Variants in TMEM143 observed in about 807,000 individuals in gnomAD.
The protein encoded by TMEM143 is transmembrane protein 143.
Under a neutral mutation model 40.3 loss-of-function variants are expected in TMEM143, and 45 were observed. The observed-to-expected ratio is 1.12, with a 90% CI of 0.88 to 1.43. TMEM143 has a LOEUF of 1.43. TMEM143 is among the 40% of genes most tolerant of loss of function. The pLI, the probability that TMEM143 is intolerant of heterozygous loss-of-function variation, is 0.00. For synonymous variants in TMEM143, 299 were observed against 282.7 expected (o/e 1.06, Z -0.58); for missense variants, 620 against 613.4 (o/e 1.01, Z -0.11).
chr19:48,343,654 G>A (rs964056164), intron 4 of TMEM143, among the ~76,000 whole-genome samples: 11 of 152,244 alleles, frequency 7.2e-5, no homozygotes, highest in African/African-American at 2.6e-4. Flanking sequence ...TGCCATTCAC[G>A]TAGAAGTCAT....
chr19:48,363,704 G>A (rs1970124319), intron 1 of TMEM143, 173 bp from the exon 2 acceptor site: 9 of 1,366,806 alleles, frequency 6.6e-6, no homozygotes, highest in African/African-American at 1.5e-5. Context: ...CAGTTGGCCT[G>A]GGTCCCAGAC....
Position 48,360,138 on chromosome 19 carries a change from C to T in TMEM143, c.303G>A (p.Glu101=). 1 of 1,614,128 alleles carries T rather than the reference C, an allele frequency of 6.2e-7. No homozygotes were observed. Among genetic ancestry groups the T allele is most frequent in the Non-Finnish European group, 8.5e-7 (1 of 1,180,010 alleles). ...AGAAGTCCACGTGGGCCGAGAACGC[C>T]TCCAAAGCCGCCTTCTCTGCCGGAC... ...HSSPAEKAAL[E]AFSAHVDFCT... is the part of the protein sequence containing the mutation. Residue 101 remains glutamate (E), a synonymous_variant, in exon 3 of 8, where the codon GAG becomes GAA. Coordinates refer to ENST00000293261, the MANE Select transcript of TMEM143 (RefSeq NM_018273.4).
At chr19:48,348,827 C>T (rs1474461898) in intron 3 of TMEM143, among the ~76,000 whole-genome samples, 1 of 152,168 alleles carries the variant, frequency 6.6e-6, no homozygotes, top group Non-Finnish European at 1.5e-5. Context: ...CCTAGTAGGG[C>T]CTGCAAGGCC....
chr19:48,352,246 C>CAA lies in TMEM143; in HGVS notation c.370-6894_370-6893dup, dbSNP rs1231759805. On this transcript the variant is annotated intron_variant, in intron 3 of 7. Coordinates refer to ENST00000293261, the MANE Select transcript of TMEM143 (RefSeq NM_018273.4). ...TGGGTGACAGAGTGAGACTCTGTCT[C>CAA]AAAAAAAAAAAAAAAACACCATATC... is the stretch of plus-strand genomic sequence containing the variant. Among the ~76,000 whole-genome samples the CAA allele has an allele frequency of 3.1e-4, 13 of 41,572 alleles. 1 individual carries two copies. Among genetic ancestry groups the CAA allele is most frequent in the South Asian group, 1.3e-3 (1 of 752 alleles). 27.3% of individuals were successfully genotyped at this position (41,572 alleles called of 152,430 possible). A position where few individuals can be genotyped will look rare whatever the true frequency, so the allele number is the denominator to read the frequency against.
chr19:48,346,819 C>A (rs1184782347), intron 3 of TMEM143, among the ~76,000 whole-genome samples: 1 of 152,096 alleles, frequency 6.6e-6, no homozygotes, highest in African/African-American at 2.4e-5. Context: ...CTCAAGCGAT[C>A]CCCCCACCTC....
At chr19:48,341,326 G>A (rs1026599089) in intron 6 of TMEM143, among the ~76,000 whole-genome samples, 1 of 152,170 alleles carries the variant, frequency 6.6e-6, no homozygotes, top group Non-Finnish European at 1.5e-5. Context: ...TGAACAACCT[G>A]TGCAACTGTT....
At chr19:48,335,507 C>T (rs1969348041) in intron 6 of TMEM143, among the ~76,000 whole-genome samples, 1 of 152,022 alleles carries the variant, frequency 6.6e-6, no homozygotes, top group South Asian at 2.1e-4. Context: ...GGTGAATCAC[C>T]TGAGGTTGGA....
chr19:48,339,725 CTTTG>C (rs777100997), intron 6 of TMEM143, among the ~76,000 whole-genome samples: 8 of 151,986 alleles, frequency 5.3e-5, no homozygotes, highest in Middle Eastern at 3.4e-3. Flanking sequence ...TTTTTTGTTT[CTTTG>C]TTTGTTTGTT....
chr19:48,358,385 GAA>G (rs1305154203), intron 3 of TMEM143, among the ~76,000 whole-genome samples: 1 of 129,890 alleles, frequency 7.7e-6, no homozygotes. Context: ...CTCTGTCTCA[GAA>G]AAAAAAAAAA....
intron 2 of TMEM143, among the ~76,000 whole-genome samples, chr19:48,361,429 G>A (rs985551462): frequency 2.6e-5 from 4 of 151,920 alleles, no homozygotes; most frequent in Admixed American, 6.6e-5. Flanking sequence ...TGTTGGCCAG[G>A]CTGGTCTCAA....
intron 6 of TMEM143, among the ~76,000 whole-genome samples, chr19:48,340,615 C>A (rs1393857314): frequency 1.3e-5 from 2 of 152,094 alleles, no homozygotes; most frequent in African/African-American, 4.8e-5. Flanking sequence ...CTCCATAGCA[C>A]CCCAAGGGCC....
chr19:48,344,043 T>C (rs1291740534), intron 4 of TMEM143, among the ~76,000 whole-genome samples: 4 of 151,820 alleles, frequency 2.6e-5, no homozygotes, highest in African/African-American at 7.3e-5. Context: ...CCCGCCACCA[T>C]GCCTGGCTAA....
At chr19:48,352,205 C>A (rs960030448) in intron 3 of TMEM143, among the ~76,000 whole-genome samples, 1 of 125,066 alleles carries the variant, frequency 8.0e-6, no homozygotes, top group African/African-American at 3.0e-5. Flanking sequence ...CGAGATCAAG[C>A]CACTGCCCTC....
At chr19:48,353,180 A>T (rs1460688547) in intron 3 of TMEM143, among the ~76,000 whole-genome samples, 1 of 101,590 alleles carries the variant, frequency 9.8e-6, no homozygotes, top group East Asian at 3.2e-4. Flanking sequence ...GATCAACGAC[A>T]AACTTTTTTT....
intron 3 of TMEM143, among the ~76,000 whole-genome samples, chr19:48,354,708 G>T (rs572619709): frequency 1.3e-5 from 2 of 152,110 alleles, no homozygotes; most frequent in South Asian, 4.1e-4. Flanking sequence ...TTTACTGAGC[G>T]AACTCAATGA....
rs761556996 is a variant in TMEM143, at chr19:48,360,159, C to T, written c.282G>A (p.Pro94=). 3.0e-5 allele frequency: 49 copies of T among 1,614,010 alleles called. No individual in the cohort carries two copies. In the South Asian group the frequency reaches 3.5e-4, roughly 12 times the overall value. ...ACGCCTCCAAAGCCGCCTTCTCTGC[C>T]GGACTCGAGTGGAATTCCTGTTACC... ...RLLIQEFHSS[P]AEKAALEAFS... Residue 94 remains proline, a synonymous_variant, in exon 3 of 8, where the codon CCG becomes CCA. Coordinates refer to ENST00000293261, the MANE Select transcript of TMEM143 (RefSeq NM_018273.4).
intron 6 of TMEM143, among the ~76,000 whole-genome samples, chr19:48,335,119 T>C (rs1969338045): frequency 6.6e-6 from 1 of 152,198 alleles, no homozygotes; most frequent in Non-Finnish European, 1.5e-5. Flanking sequence ...CTAGGTAGGA[T>C]TTACTTCAAA....
At position 48,332,978 on chromosome 19, in the gene TMEM143, T is replaced by C. The variant is rs1314777767; in HGVS notation, c.*241A>G. 25 of 365,390 alleles carry C rather than the reference T, an allele frequency of 6.8e-5. No homozygotes were observed. In the South Asian group the frequency reaches 2.6e-3, roughly 38 times the overall value. 22.6% of individuals were successfully genotyped at this position (365,390 alleles called of 1,614,324 possible). ...TTATGGTGAGGGTGGGACTAAGAAA[T>C]GGAACAGAAGCAGAGCTAAATCGCT... On this transcript the variant is annotated 3_prime_UTR_variant, in exon 8 of 8. Coordinates refer to ENST00000293261, the MANE Select transcript of TMEM143 (RefSeq NM_018273.4).
In TMEM143 at chr19:48,342,660, T is replaced by C. The variant is rs774830963; in HGVS notation, c.845A>G (p.Asn282Ser). ...RTPTLQRALL[N>S]LMLVVSGVAI... ...CACGCCGGAGACTACCAGCATGAGG[T>C]TGAGCAGGGCGCGCTGCAGGGTGGG... is the stretch of plus-strand genomic sequence containing the variant. The change falls in exon 6 of 8, where the codon AAC becomes AGC. Residue 282 changes from asparagine to serine, a missense_variant. By Grantham distance (46) the Asn-to-Ser change is conservative. Coordinates refer to ENST00000293261, the MANE Select transcript of TMEM143 (RefSeq NM_018273.4). 2.5e-6 allele frequency: 4 copies of C among 1,614,088 alleles called. No homozygotes were observed. In the South Asian group the frequency reaches 3.3e-5, roughly 13 times the overall value.
Sources: allele counts gnomAD v4.1 joint callset (sites outside exome capture counted in the v4.1 genomes callset), GRCh38; gene constraint gnomAD v4.1.1; transcripts MANE v1.5; gene names NCBI Gene and HGNC (gene_info 2026-07-23, HGNC 2026-07-21).